BRCA2: variants seen among roughly 807,000 people sequenced by gnomAD.
BRCA2 encodes the protein BRCA2 DNA repair associated.
In BRCA2, 203 loss-of-function variants were observed where a neutral mutation model predicts 276.7. The ratio of observed to expected loss-of-function variants is 0.73; its 90% CI spans 0.65 to 0.82. The LOEUF is 0.82. Ranked by LOEUF, BRCA2 falls within the 40% of genes least tolerant of loss-of-function variation. BRCA2 has a pLI of 0.00. For synonymous variants in BRCA2, 1,289 were observed against 1,338.4 expected, an observed-to-expected ratio of 0.96 and a Z score of 0.81; for missense variants, 3,920 against 3,915.0, an observed-to-expected ratio of 1.00 and a Z score of -0.03.
chr13:32,391,658 A>T lies in BRCA2; in HGVS notation c.9257-3031A>T, dbSNP rs11571810. Among the ~76,000 whole-genome samples the T allele has an allele frequency of 8.4e-3, 1,283 of 152,362 alleles. 11 individuals carry two copies. Among genetic ancestry groups the T allele is most frequent in the East Asian group, 0.036 (187 of 5,194 alleles). ...TGTTTCAGTGACATTTTCTAAAAGG[A>T]ATTAAAAGCTTTGAAGAATTCTATG... On this transcript the variant is annotated intron_variant, in intron 24 of 26. Transcript: ENST00000380152.
At chr13:32,362,208 G>T (rs1398989944) in intron 16 of BRCA2, among the ~76,000 whole-genome samples, 1 of 151,822 alleles carries the variant, frequency 6.6e-6, no homozygotes, top group Non-Finnish European at 1.5e-5. Context: ...ATTATTTTTT[G>T]TAGAGATGTG....
intron 7 of BRCA2, among the ~76,000 whole-genome samples, chr13:32,327,910 A>G (rs769073223): frequency 1.3e-5 from 2 of 151,760 alleles, no homozygotes; most frequent in Non-Finnish European, 2.9e-5. Context: ...ATCTGGGACT[A>G]CAGGTACCAT....
At chr13:32,372,001 T>C (rs2137603168) in intron 20 of BRCA2, among the ~76,000 whole-genome samples, 1 of 152,368 alleles carries the variant, frequency 6.6e-6, no homozygotes, top group Non-Finnish European at 1.5e-5. Context: ...TGATGCCTGC[T>C]GAGTGATCAG....
At chr13:32,382,196 C>T (rs1020798290) in intron 24 of BRCA2, among the ~76,000 whole-genome samples, 3 of 152,256 alleles carry the variant, frequency 2.0e-5, no homozygotes, top group Admixed American at 2.0e-4. Flanking sequence ...TCGTGATCCA[C>T]CCACCTTGGC....
At chr13:32,328,721 A>T (rs1196916223) in intron 7 of BRCA2, among the ~76,000 whole-genome samples, 1 of 152,274 alleles carries the variant, frequency 6.6e-6, no homozygotes, top group Non-Finnish European at 1.5e-5. Context: ...ATTTTGAGAT[A>T]TACTTAACAC....
Position 32,337,691 on chromosome 13 carries a change from A to G in BRCA2, c.3336A>G (p.Thr1112=). The part of the protein sequence containing the change: ...NLTPSQKAEI[T]ELSTILEESG... The stretch of plus-strand genomic sequence containing the variant: ...CACCTAGCCAAAAGGCAGAAATTAC[A>G]GAACTTTCTACTATATTAGAAGAAT... Residue 1112 remains threonine, a synonymous_variant, in exon 11 of 27, where the codon ACA becomes ACG. Transcript: ENST00000380152. The G allele has an allele frequency of 6.2e-7, 1 of 1,601,226 alleles. No homozygotes were observed. The highest frequency in any genetic ancestry group is 2.2e-5 in the East Asian group (1 of 44,760).
intron 7 of BRCA2, among the ~76,000 whole-genome samples, chr13:32,328,026 C>T (rs1344377213): frequency 1.3e-5 from 2 of 152,000 alleles, no homozygotes; most frequent in African/African-American, 4.8e-5. Context: ...CTCAAGCAGC[C>T]ACCACACCCA....
intron 7 of BRCA2, 134 bp from the exon 8 acceptor site, chr13:32,329,309 G>A: frequency 1.6e-6 from 1 of 636,680 alleles, no homozygotes; most frequent in Non-Finnish European, 2.8e-6. Flanking sequence ...CTATACTTAA[G>A]TACTTGAATC....
chr13:32,337,399 A>C lies in BRCA2; in HGVS notation c.3044A>C (p.Lys1015Thr), dbSNP rs1000398743. 1 of 1,613,786 alleles carries C rather than the reference A, an allele frequency of 6.2e-7. No individual in the cohort carries two copies. The highest frequency in any genetic ancestry group is 1.3e-5 in the African/African-American group (1 of 75,048). ...GGTAGCTTCAGAACAGCTTCAAATA[A>C]GGAAATCAAGCTCTCTGAACATAAC... The part of the protein sequence containing the change: ...FGGSFRTASN[K>T]EIKLSEHNIK... The change falls in exon 11 of 27, where the codon AAG (lysine) becomes ACG (threonine). Residue 1015 changes from lysine (K) to threonine (T), a missense_variant. Physicochemically the swap from Lys to Thr is moderately conservative, Grantham distance 78. Around this residue, in one of 2 missense-constraint regions of BRCA2, gnomAD observed 3,263 missense variants for 3,156.9 expected, o/e 1.03. Coordinates refer to ENST00000380152, the MANE Select transcript of BRCA2 (RefSeq NM_000059.4).
chr13:32,338,577 C>G lies in BRCA2; in HGVS notation c.4222C>G (p.Gln1408Glu), dbSNP rs80358663. 6.3e-7 allele frequency: 1 copy of G among 1,595,496 alleles called. No homozygotes were observed. Residue 1408 changes from glutamine to glutamate, a missense_variant, in exon 11 of 27, where the codon CAG becomes GAG. Transcript: ENST00000380152. ...ACHGNTSNKE[Q>E]LTATKTEQNI... ...TCATGGTAATACTTCAAATAAAGAA[C>G]AGTTAACTGCTACTAAAACGGAGCA...
chr13:32,394,398 A>G (rs1039416259), intron 24 of BRCA2, among the ~76,000 whole-genome samples: 2 of 152,234 alleles, frequency 1.3e-5, no homozygotes, highest in African/African-American at 4.8e-5. Flanking sequence ...TGCCAAATTT[A>G]TCTCCAGAAA....
At chr13:32,370,840 A>G (rs549970924) in intron 19 of BRCA2, 116 bp from the exon 20 acceptor site, 21 of 1,339,882 alleles carry the variant, frequency 1.6e-5, no homozygotes, top group African/African-American at 1.2e-4. Flanking sequence ...TGATCCACTA[A>G]TCTCAGCCTC....
At chr13:32,376,181 CT>C (rs796536086) in intron 20 of BRCA2, among the ~76,000 whole-genome samples, 6,034 of 145,052 alleles carry the variant, frequency 0.042, 286 homozygotes, top group African/African-American at 0.11. Context: ...CTCTGTATGA[CT>C]TTTTTTTTTT....
rs1593892076 is a variant in BRCA2, at chr13:32,332,634, G to A, written c.1156G>A (p.Glu386Lys). The change falls in exon 10 of 27, where the codon GAA becomes AAA. Residue 386 changes from glutamate (E) to lysine (K), a missense_variant. By Grantham distance (56) the Glu-to-Lys change is moderately conservative. Transcript: ENST00000380152. The part of the protein sequence containing the change: ...FESGSDKISK[E>K]VVPSLACEWS... ...GAGTGGAAGTGACAAAATCTCCAAG[G>A]AAGTTGTACCGTCTTTGGCCTGTGA... The A allele has an allele frequency of 6.2e-7, 1 of 1,614,050 alleles. No individual in the cohort carries two copies. Among genetic ancestry groups the A allele is most frequent in the South Asian group, 1.1e-5 (1 of 91,062 alleles).
intron 24 of BRCA2, among the ~76,000 whole-genome samples, chr13:32,381,289 T>C (rs2072922898): frequency 1.3e-5 from 2 of 152,048 alleles, no homozygotes; most frequent in Non-Finnish European, 1.5e-5. Flanking sequence ...CATTATGAGG[T>C]TGGGGGAGGG....
In BRCA2 at chr13:32,379,917, C is replaced by T. The variant is rs397507421; in HGVS notation, c.9117+4C>T. On this transcript the variant is annotated splice_donor_region_variant and intron_variant, in intron 23 of 26. Coordinates refer to ENST00000380152, the MANE Select transcript of BRCA2 (RefSeq NM_000059.4). ...AACTCAGTATCAACAACTACCGGTA[C>T]AAACCTTTCATTGTAATTTTTCAGT... 1 of 1,613,122 alleles carries T rather than the reference C, an allele frequency of 6.2e-7. No individual in the cohort carries two copies. The highest frequency in any genetic ancestry group is 1.7e-5 in the Admixed American group (1 of 59,898).
chr13:32,351,841 G>A lies in BRCA2; in HGVS notation c.7008-3020G>A, dbSNP rs563939769. Among the ~76,000 whole-genome samples the A allele has an allele frequency of 4.0e-5, 6 of 151,166 alleles. No homozygotes were observed. The East Asian group carries it at 5.8e-4, about 15-fold the overall frequency. On this transcript the variant is annotated intron_variant, in intron 13 of 26. Coordinates refer to ENST00000380152, the MANE Select transcript of BRCA2 (RefSeq NM_000059.4). Reference sequence around the variant, plus strand: ...TTTTGATACAGAGTCTCACTCTGTCGCCCAGGCTGGAGTACAGTGGCACGA... The same window carrying A: ...TTTTGATACAGAGTCTCACTCTGTCACCCAGGCTGGAGTACAGTGGCACGA...
In BRCA2 at chr13:32,337,907, T is replaced by C. The variant is rs1456426299; in HGVS notation, c.3552T>C (p.Gly1184=). The change falls in exon 11 of 27, where the codon GGT becomes GGC. Residue 1184 remains glycine (G), a synonymous_variant. Transcript: ENST00000380152. The part of the protein sequence containing the change: ...GQVDSSKQFE[G]TVEIKRKFAG... ...TAGACAGCAGCAAGCAATTTGAAGG[T>C]ACAGTTGAAATTAAACGGAAGTTTG... 2.5e-6 allele frequency: 4 copies of C among 1,613,998 alleles called. No homozygotes were observed. The highest frequency in any genetic ancestry group is 3.4e-6 in the Non-Finnish European group (4 of 1,179,988).
At position 32,335,245 on chromosome 13, in the gene BRCA2, T is replaced by C. The variant is rs2072439274; in HGVS notation, c.1910-1020T>C. ...CTGTAATCCCAGCTACTCGGGACGC[T>C]AAGGCAGGAGAATCACTTGAACCTG... On this transcript the variant is annotated intron_variant, in intron 10 of 26. Transcript: ENST00000380152. 2.0e-5 allele frequency among the ~76,000 whole-genome samples: 3 copies of C among 147,980 alleles called. No individual in the cohort carries two copies. In the South Asian group the frequency reaches 6.3e-4, roughly 31 times the overall value.
Sources: allele counts gnomAD v4.1 joint callset (sites outside exome capture counted in the v4.1 genomes callset), GRCh38; gene constraint gnomAD v4.1.1; regional missense constraint gnomAD v4.1.1; transcripts MANE v1.5; gene names NCBI Gene and HGNC (gene_info 2026-07-23, HGNC 2026-07-21).